Variants in C2CD3 observed in about 807,000 individuals in gnomAD.
C2CD3 encodes C2 domain-containing protein 3.
In C2CD3, 148 loss-of-function variants were observed where a neutral mutation model predicts 234.0. The observed-to-expected ratio is 0.63, with a 90% CI of 0.55 to 0.72. The LOEUF is 0.72. Ranked by LOEUF, C2CD3 falls within the 30% of genes least tolerant of loss-of-function variation. The pLI is 0.00. For synonymous variants in C2CD3, 1,000 were observed against 1,035.4 expected (o/e 0.97, Z 0.66); for missense variants, 2,577 against 2,811.5 (o/e 0.92, Z 1.89).
Position 74,135,166 on chromosome 11 carries a change from C to CTTTG in C2CD3, c.956-1610_956-1609insCAAA, listed in dbSNP as rs746161678. Among the ~76,000 whole-genome samples the CTTTG allele has an allele frequency of 6.7e-3, 1,019 of 152,210 alleles. 8 individuals are homozygous for CTTTG. The highest frequency in any genetic ancestry group is 0.01 in the Non-Finnish European group (710 of 68,010). On this transcript the variant is annotated intron_variant, in intron 5 of 32. Coordinates refer to ENST00000334126, the MANE Select transcript of C2CD3 (RefSeq NM_001286577.2). ...ATAGGCAGAATTCTAAGATGGCTAC[C>CTTTG]CCAAGATCCCCATTGCCTCATATAC...
At chr11:74,082,699 A>G (rs1180983299) in intron 22 of C2CD3, among the ~76,000 whole-genome samples, 1 of 152,084 alleles carries the variant, frequency 6.6e-6, no homozygotes, top group Non-Finnish European at 1.5e-5. Context: ...TCCCTCCCCC[A>G]AAGGGAATAA....
chr11:74,046,681 T>C (rs1431311150), intron 28 of C2CD3, among the ~76,000 whole-genome samples: 1 of 152,212 alleles, frequency 6.6e-6, no homozygotes, highest in Non-Finnish European at 1.5e-5. Context: ...TATTTTTATA[T>C]TCATTTTGTT....
rs1395637013 is a variant in C2CD3, at chr11:74,114,485, G to A, written c.1629C>T (p.Ile543=). 13 of 1,613,606 alleles carry A rather than the reference G, an allele frequency of 8.1e-6. No individual in the cohort carries two copies. Among genetic ancestry groups the A allele is most frequent in the African/African-American group, 1.3e-5 (1 of 74,904 alleles). The change falls in exon 10 of 33, where the codon ATC becomes ATT. Residue 543 remains isoleucine (I), a synonymous_variant. Transcript: ENST00000334126. ...ALLGRTHSVR[I]IIETMGVPPD... is the part of the protein sequence containing the mutation. Reference sequence around the variant, plus strand: ...GAGGAACTCCCATGGTTTCGATGATGATTCTGACTGAATGTGTTCTACCCA... The same window carrying A: ...GAGGAACTCCCATGGTTTCGATGATAATTCTGACTGAATGTGTTCTACCCA...
chr11:74,066,986 G>T (rs1484987962), intron 24 of C2CD3, among the ~76,000 whole-genome samples: 1 of 152,138 alleles, frequency 6.6e-6, no homozygotes, highest in African/African-American at 2.4e-5. Context: ...AGAAATTCAT[G>T]AAGGTTTTAT....
chr11:74,074,331 G>A lies in C2CD3; in HGVS notation c.4873C>T (p.Gln1625Ter). 1.2e-6 allele frequency: 2 copies of A among 1,614,216 alleles called. No homozygotes were observed. The highest frequency in any genetic ancestry group is 1.7e-6 in the Non-Finnish European group (2 of 1,180,042). The change falls in exon 24 of 33, where the codon CAG becomes TAG. Residue 1625 changes from glutamine to a stop codon, truncating the protein, a stop_gained. Transcript: ENST00000334126. LOFTEE classifies it high-confidence loss of function. ...CCATCCAAATCAGCAGGGCCCTCCT[G>A]CGTCAGGCGGACTTCAGCTGTGGTG... ...SSTTAEVRLT[Q>*]EGPADLDGTF...
At chr11:74,122,540 G>C (rs181901634) in intron 8 of C2CD3, among the ~76,000 whole-genome samples, 3 of 152,260 alleles carry the variant, frequency 2.0e-5, no homozygotes, top group African/African-American at 7.2e-5. Flanking sequence ...AAAGAACTTT[G>C]AAAAAACCAG....
In C2CD3 at chr11:74,078,252, C is replaced by G; in HGVS notation, c.4466G>C (p.Arg1489Thr). Residue 1489 changes from arginine to threonine, a missense_variant, in exon 23 of 33, where the codon AGG becomes ACG. Transcript: ENST00000334126. ...PSLLWYFREE[R>T]LEIQVWRAYG... is the part of the protein sequence containing the mutation. ...AGCTCGCCACACTTGGATCTCTAGC[C>G]TCTCCTCCCTGAAGTACCAAAGCAG... The G allele has an allele frequency of 6.2e-7, 1 of 1,614,132 alleles. No homozygotes were observed. Among genetic ancestry groups the G allele is most frequent in the South Asian group, 1.1e-5 (1 of 91,074 alleles).
intron 24 of C2CD3, among the ~76,000 whole-genome samples, chr11:74,068,303 C>T (rs1000176623): frequency 2.6e-5 from 4 of 152,096 alleles, no homozygotes; most frequent in Non-Finnish European, 4.4e-5. Flanking sequence ...TGTCATAAAT[C>T]CTCACAATTA....
intron 3 of C2CD3, among the ~76,000 whole-genome samples, chr11:74,140,490 A>G (rs1048853304): frequency 1.3e-5 from 2 of 152,302 alleles, no homozygotes; most frequent in South Asian, 2.1e-4. Context: ...TTCCTCATAT[A>G]GAGAAGATAA....
At chr11:74,138,432 G>A (rs1033104069) in intron 5 of C2CD3, among the ~76,000 whole-genome samples, 9 of 152,204 alleles carry the variant, frequency 5.9e-5, no homozygotes, top group Admixed American at 2.0e-4. Context: ...GACAAAGTAA[G>A]GACTAATCCT....
chr11:74,124,170 T>G (rs1262485745), intron 7 of C2CD3, among the ~76,000 whole-genome samples: 1 of 152,184 alleles, frequency 6.6e-6, no homozygotes, highest in Non-Finnish European at 1.5e-5. Flanking sequence ...TTAGTGAACT[T>G]AATGATTTCT....
Position 74,100,579 on chromosome 11 carries a change from T to C in C2CD3, c.2678A>G (p.Asp893Gly). The C allele has an allele frequency of 1.2e-6, 2 of 1,614,112 alleles. No individual in the cohort carries two copies. The highest frequency in any genetic ancestry group is 1.7e-6 in the Non-Finnish European group (2 of 1,179,978). The change falls in exon 15 of 33, where the codon GAC becomes GGC. Residue 893 changes from aspartate (D) to glycine (G), a missense_variant. Physicochemically the swap from Asp to Gly is moderately conservative, Grantham distance 94. Coordinates refer to ENST00000334126, the MANE Select transcript of C2CD3 (RefSeq NM_001286577.2). The part of the protein sequence containing the change: ...TWNKVRSPGQ[D>G]KLLGLVKLPL... ...AAGTTTCACCAGCCCGAGCAGCTTG[T>C]CCTGTCCTGGGCTCCGCACCTTATT...
intron 11 of C2CD3, among the ~76,000 whole-genome samples, chr11:74,112,956 G>C (rs1454462332): frequency 6.6e-6 from 1 of 152,084 alleles, no homozygotes; most frequent in Non-Finnish European, 1.5e-5. Context: ...TATACCCAAG[G>C]GAAATGAAAG....
intron 7 of C2CD3, among the ~76,000 whole-genome samples, chr11:74,125,289 C>T (rs1162256092): frequency 1.3e-5 from 2 of 152,110 alleles, no homozygotes; most frequent in Non-Finnish European, 2.9e-5. Flanking sequence ...CTCAGCCTCC[C>T]TAGTAGTAGC....
At chr11:74,131,058 C>T (rs2135534740) in intron 7 of C2CD3, among the ~76,000 whole-genome samples, 1 of 151,682 alleles carries the variant, frequency 6.6e-6, no homozygotes, top group East Asian at 2.0e-4. Flanking sequence ...AAGGGATTCT[C>T]CTGCCTCAGC....
At chr11:74,130,226 CTT>C (rs752226149) in intron 7 of C2CD3, among the ~76,000 whole-genome samples, 16 of 128,906 alleles carry the variant, frequency 1.2e-4, no homozygotes, top group East Asian at 2.2e-4. Flanking sequence ...AAGGGTCCAA[CTT>C]TTTTTTTTTT....
At chr11:74,096,226 T>A (rs1211675670) in intron 16 of C2CD3, among the ~76,000 whole-genome samples, 3 of 152,160 alleles carry the variant, frequency 2.0e-5, no homozygotes, top group Non-Finnish European at 4.4e-5. Context: ...GTGTTCTTTA[T>A]CCCTATTCTA....
Position 74,168,335 on chromosome 11 carries a change from A to G in C2CD3, c.325+9T>C. 6.2e-7 allele frequency: 1 copy of G among 1,610,178 alleles called. No individual in the cohort carries two copies. The highest frequency in any genetic ancestry group is 8.5e-7 in the Non-Finnish European group (1 of 1,176,420). ...CGTCTGCAGGTGCAATGATAAAACA[A>G]TAACATACCTGTTAGATAAGAGGTA... On this transcript the variant is annotated intron_variant, in intron 2 of 32. Transcript: ENST00000334126.
At chr11:74,031,825 G>A (rs1181413572) in intron 31 of C2CD3, among the ~76,000 whole-genome samples, 1 of 152,196 alleles carries the variant, frequency 6.6e-6, no homozygotes, top group Non-Finnish European at 1.5e-5. Context: ...TGCAAAGGCA[G>A]CAACATTAGG....
Sources: allele counts gnomAD v4.1 joint callset (sites outside exome capture counted in the v4.1 genomes callset), GRCh38; gene constraint gnomAD v4.1.1; transcripts MANE v1.5; gene names NCBI Gene and HGNC (gene_info 2026-07-23, HGNC 2026-07-21).